Variants in KCNT1 observed in about 807,000 individuals in gnomAD.
The protein encoded by KCNT1 is potassium channel subfamily T member 1.
In KCNT1, 78 loss-of-function variants were observed where a neutral mutation model predicts 147.8. The observed-to-expected ratio is 0.53, with a 90% CI of 0.44 to 0.64. The LOEUF is 0.64. KCNT1 is among the 30% of genes least tolerant of loss of function. The pLI, the probability that KCNT1 is intolerant of heterozygous loss-of-function variation, is 0.00. For missense variants in KCNT1, 1,419 were observed against 1,750.3 expected, an observed-to-expected ratio of 0.81 and a Z score of 3.38; for synonymous variants, 867 against 748.8, an observed-to-expected ratio of 1.16 and a Z score of -2.58.
At chr9:135,755,892 A>G (rs1274396040) in intron 6 of KCNT1, among the ~76,000 whole-genome samples, 3 of 150,104 alleles carry the variant, frequency 2.0e-5, no homozygotes, top group Non-Finnish European at 4.5e-5. Flanking sequence ...AGGCTCAGTA[A>G]GCATGGGACC....
rs1261225879 is a variant in KCNT1, at chr9:135,794,199, C to T, written c.*2038C>T. On this transcript the variant is annotated 3_prime_UTR_variant, in exon 31 of 31. Coordinates refer to ENST00000371757, the MANE Select transcript of KCNT1 (RefSeq NM_020822.3). ...CCTGCAGGAGGCACCATGGGGGAGT[C>T]GCATGACTTATTCGGGATTGACTTG... The T allele has an allele frequency of 1.3e-5, 2 of 152,300 alleles. No individual in the cohort carries two copies. Among genetic ancestry groups the T allele is most frequent in the Non-Finnish European group, 2.9e-5 (2 of 68,120 alleles). The allele number at this position is 152,300 out of a possible 1,614,324, so 9.4% of individuals were successfully genotyped here.
At position 135,775,160 on chromosome 9, in the gene KCNT1, C is replaced by T. The variant is rs73557237; in HGVS notation, c.2244-150C>T. ...GATGCACAGGTGGTTAAGGGAAGAA[C>T]GGGCCACCTTGGGTCAGCTGTGCGT... On this transcript the variant is annotated intron_variant, in intron 19 of 30. Transcript: ENST00000371757. The T allele has an allele frequency of 7.0e-5, 39 of 553,706 alleles. No individual in the cohort carries two copies. In the East Asian group the frequency reaches 1.0e-3, roughly 14 times the overall value. 34.3% of individuals were successfully genotyped at this position (553,706 alleles called of 1,614,324 possible).
chr9:135,729,777 G>A (rs968046091), intron 2 of KCNT1, among the ~76,000 whole-genome samples: 2 of 152,206 alleles, frequency 1.3e-5, no homozygotes, highest in African/African-American at 2.4e-5. Flanking sequence ...CTTGATCGAG[G>A]CTTGAAAATG....
At chr9:135,788,824 C>T (rs1223834304) in intron 29 of KCNT1, among the ~76,000 whole-genome samples, 5 of 152,220 alleles carry the variant, frequency 3.3e-5, no homozygotes, top group Non-Finnish European at 1.5e-5. Context: ...CGTCAGTGCT[C>T]AGCAGAGTCC....
intron 11 of KCNT1, among the ~76,000 whole-genome samples, chr9:135,762,131 C>T (rs916431467): frequency 2.0e-5 from 3 of 152,244 alleles, no homozygotes; most frequent in Admixed American, 6.5e-5. Context: ...GGAGCCCCCA[C>T]CTCCCCTTAT....
At chr9:135,713,105 A>G (rs1835570256) in intron 1 of KCNT1, among the ~76,000 whole-genome samples, 2 of 152,270 alleles carry the variant, frequency 1.3e-5, no homozygotes, top group South Asian at 2.1e-4. Context: ...TGGGGACGGG[A>G]GGAGGCAGCC....
intron 2 of KCNT1, among the ~76,000 whole-genome samples, chr9:135,729,124 T>C (rs1200499630): frequency 1.3e-5 from 2 of 152,232 alleles, no homozygotes; most frequent in Non-Finnish European, 2.9e-5. Context: ...ACGGGAGATA[T>C]AATTAAGTTC....
chr9:135,770,701 C>T (rs929581918), intron 17 of KCNT1, among the ~76,000 whole-genome samples, 156 bp from the exon 18 acceptor site: 4 of 152,200 alleles, frequency 2.6e-5, no homozygotes, highest in Admixed American at 6.5e-5. Flanking sequence ...ACCTCTGGGA[C>T]GGGAGGGCTC....
chr9:135,787,485 C>G (rs192863672), intron 29 of KCNT1, among the ~76,000 whole-genome samples: 1 of 152,228 alleles, frequency 6.6e-6, no homozygotes, highest in Non-Finnish European at 1.5e-5. Flanking sequence ...GCCTCTGTCC[C>G]GTCGGAGTGC....
chr9:135,771,559 C>T (rs1005865578), intron 18 of KCNT1, among the ~76,000 whole-genome samples: 5 of 152,240 alleles, frequency 3.3e-5, no homozygotes, highest in African/African-American at 9.6e-5. Flanking sequence ...CCCGGAGGGT[C>T]TGCTTCACGT....
chr9:135,715,557 C>T (rs1168440023), intron 2 of KCNT1, among the ~76,000 whole-genome samples: 1 of 152,224 alleles, frequency 6.6e-6, no homozygotes, highest in Non-Finnish European at 1.5e-5. Flanking sequence ...TCCAGGGCTC[C>T]GTCACCACCC....
At chr9:135,791,081 G>A (rs1834472287) in intron 29 of KCNT1, 1 of 152,552 alleles carries the variant, frequency 6.6e-6, no homozygotes, top group Admixed American at 6.5e-5. Context: ...TCGGAGGGAT[G>A]AGCTGCGGGG....
In KCNT1 at chr9:135,776,986, C is replaced by T. The variant is rs939362172; in HGVS notation, c.2350-352C>T. 3.9e-5 allele frequency among the ~76,000 whole-genome samples: 6 copies of T among 152,246 alleles called. No homozygotes were observed. The South Asian group carries it at 1.0e-3, about 26-fold the overall frequency. Reference sequence around the variant, plus strand: ...TGGAAACCAAGACCTGGGCACGTGGCGTGCTCACTGCTGTTGGCATCCCTG... The same window carrying T: ...TGGAAACCAAGACCTGGGCACGTGGTGTGCTCACTGCTGTTGGCATCCCTG... On this transcript the variant is annotated intron_variant, in intron 20 of 30. Transcript: ENST00000371757.
At chr9:135,722,714 C>T (rs560791395) in intron 2 of KCNT1, among the ~76,000 whole-genome samples, 2 of 152,166 alleles carry the variant, frequency 1.3e-5, no homozygotes, top group African/African-American at 2.4e-5. Context: ...TTGCACGTGG[C>T]GTCTTCTCAC....
intron 2 of KCNT1, among the ~76,000 whole-genome samples, chr9:135,744,318 G>A (rs565738602): frequency 6.6e-5 from 10 of 152,260 alleles, no homozygotes; most frequent in Non-Finnish European, 1.2e-4. Flanking sequence ...TGCCTCAGAG[G>A]GTCCCGTCTT....
chr9:135,702,340 G>C lies in KCNT1; in HGVS notation c.82G>C (p.Glu28Gln), dbSNP rs1564304784. The C allele has an allele frequency of 6.2e-7, 1 of 1,611,522 alleles. No individual in the cohort carries two copies. Among genetic ancestry groups the C allele is most frequent in the South Asian group, 1.1e-5 (1 of 91,058 alleles). The change falls in exon 1 of 31, where the codon GAG becomes CAG. Residue 28 changes from glutamate (E) to glutamine (Q), a missense_variant. This residue lies in a region of KCNT1 where 181 missense variants were observed against 155.7 expected (regional missense o/e 1.16). Transcript: ENST00000371757. Reference protein sequence around the residue: ...RGGGYTNRTFEFDDGQCAPRR... With the variant: ...RGGGYTNRTFQFDDGQCAPRR... ...CGGGGGCTACACCAACCGGACCTTC[G>C]AGTTTGACGACGGCCAATGCGCCCC...
intron 23 of KCNT1, 50 bp downstream of exon 23, chr9:135,778,872 C>T: frequency 6.3e-7 from 1 of 1,594,560 alleles, no homozygotes. Flanking sequence ...CAGCCACGAC[C>T]ACGGGCCCTC....
intron 10 of KCNT1, among the ~76,000 whole-genome samples, chr9:135,759,001 C>T (rs138248233): frequency 6.5e-4 from 99 of 152,366 alleles, no homozygotes; most frequent in African/African-American, 2.3e-3. Flanking sequence ...CACCACTTCC[C>T]GTCCCCAGGC....
Position 135,750,935 on chromosome 9 carries a change from C to T in KCNT1, c.335-7C>T. 1 of 1,612,612 alleles carries T rather than the reference C, an allele frequency of 6.2e-7. No individual in the cohort carries two copies. The highest frequency in any genetic ancestry group is 1.1e-5 in the South Asian group (1 of 91,082). ...TCAGAGCCCTGAGGCCGCTGCCCTC[C>T]CCGCAGGCCTGAGGATCCGGCTGTT... On this transcript the variant is annotated splice_polypyrimidine_tract_variant and splice_region_variant and intron_variant, in intron 3 of 30. Transcript: ENST00000371757.
Sources: gnomAD v4.1 joint callset for allele counts (sites outside exome capture counted in the v4.1 genomes callset) on GRCh38, gnomAD v4.1.1 for gene constraint, gnomAD v4.1.1 regional missense constraint, MANE v1.5 for transcripts, NCBI Gene and HGNC (gene_info 2026-07-23, HGNC 2026-07-21) for gene names.